MSI1: variants seen among roughly 807,000 people sequenced by gnomAD.
MSI1 encodes RNA-binding protein Musashi homolog 1.
In MSI1, 15 loss-of-function variants were observed where a neutral mutation model predicts 54.4. The ratio of observed to expected loss-of-function variants is 0.28; its 90% CI spans 0.18 to 0.42. The LOEUF is 0.42. Among genes scored for constraint, MSI1 ranks in the 20% least tolerant of loss-of-function variants. The pLI, the probability that MSI1 is intolerant of heterozygous loss-of-function variation, is 1.00. For missense variants in MSI1, 304 were observed against 506.0 expected, an observed-to-expected ratio of 0.60 and a Z score of 3.83; for synonymous variants, 200 against 196.5, an observed-to-expected ratio of 1.02 and a Z score of -0.15.
chr12:120,363,228 G>GGGGC (rs1875795245), intron 5 of MSI1, 93 bp from the exon 6 acceptor site: 3 of 1,055,936 alleles, frequency 2.8e-6, no homozygotes, highest in Admixed American at 3.6e-5. Context: ...GATGCCAGCT[G>GGGGC]ACAAGCTCTC....
In MSI1 at chr12:120,369,016, G is replaced by C. The variant is rs1366564246; in HGVS notation, c.59+17C>G. 8.5e-6 allele frequency: 9 copies of C among 1,054,622 alleles called. No individual in the cohort carries two copies. In the East Asian group the frequency reaches 6.4e-4, roughly 75 times the overall value. 65.3% of individuals were successfully genotyped at this position (1,054,622 alleles called of 1,614,324 possible). A position where few individuals can be genotyped will look rare whatever the true frequency, so the allele number is the denominator to read the frequency against. On this transcript the variant is annotated intron_variant, in intron 1 of 14. Transcript: ENST00000257552. The stretch of plus-strand genomic sequence containing the variant: ...GCCGGGGCGGGCGCGGGCCAAGCAG[G>C]CCGGGCCGGGCCGTACCAGGGGTCG...
intron 12 of MSI1, 57 bp from the exon 13 acceptor site, chr12:120,346,379 AC>A (rs1874125629): frequency 9.0e-6 from 13 of 1,437,662 alleles, no homozygotes; most frequent in Non-Finnish European, 1.1e-5. Context: ...ACCCCACGGC[AC>A]CCCCTCAAGC....
At chr12:120,343,731 C>T (rs996070144) in intron 14 of MSI1, among the ~76,000 whole-genome samples, 1 of 152,174 alleles carries the variant, frequency 6.6e-6, no homozygotes, top group African/African-American at 2.4e-5. Context: ...CTTGTTCATC[C>T]TCTTTCCTGG....
rs1367812729 is a variant in MSI1, at chr12:120,359,070, C to T, written c.403-17G>A. The T allele has an allele frequency of 6.4e-7, 1 of 1,553,512 alleles. No homozygotes were observed. The highest frequency in any genetic ancestry group is 1.2e-5 in the South Asian group (1 of 84,118). On this transcript the variant is annotated splice_polypyrimidine_tract_variant and intron_variant, in intron 6 of 14. Transcript: ENST00000257552. ...GTCGTCCACCTGAAACACAGCCCGC[C>T]ATGGAGGACCCAGCAGATACCAGCG... is the stretch of plus-strand genomic sequence containing the variant.
chr12:120,351,271 C>A, intron 11 of MSI1, 73 bp downstream of exon 11: 1 of 1,392,432 alleles, frequency 7.2e-7, no homozygotes, highest in South Asian at 1.2e-5. Flanking sequence ...CTAGCTTTCC[C>A]CAGGAAACTC....
Position 120,346,145 on chromosome 12 carries a change from T to C in MSI1, c.1037A>G (p.His346Arg). The C allele has an allele frequency of 6.3e-7, 1 of 1,578,586 alleles. No homozygotes were observed. The highest frequency in any genetic ancestry group is 8.6e-7 in the Non-Finnish European group (1 of 1,164,260). ...GGCCTGGCCACTCACCCCAAGACTGTGGCCGAAGCCGGTGCTGGGGGCAGG... is the reference window on the plus strand; with the variant it reads ...GGCCTGGCCACTCACCCCAAGACTGCGGCCGAAGCCGGTGCTGGGGGCAGG... ...ASPAPSTGFG[H>R]SLGGPLIATA... Residue 346 changes from histidine to arginine, a missense_variant, in exon 13 of 15, where the codon CAC becomes CGC. His to Arg is a conservative substitution (Grantham distance 29, BLOSUM62 0). Around this residue, in one of 4 missense-constraint regions of MSI1, gnomAD observed 147 missense variants for 231.5 expected, o/e 0.64. Coordinates refer to ENST00000257552, the MANE Select transcript of MSI1 (RefSeq NM_002442.4).
At chr12:120,355,619 T>TACACACAC (rs1775174360) in intron 9 of MSI1, among the ~76,000 whole-genome samples, 1 of 152,120 alleles carries the variant, frequency 6.6e-6, no homozygotes, top group African/African-American at 2.4e-5. Flanking sequence ...CAAACACACA[T>TACACACAC]ACACACACAT....
At chr12:120,361,966 A>AT (rs1412895557) in intron 6 of MSI1, among the ~76,000 whole-genome samples, 1 of 151,458 alleles carries the variant, frequency 6.6e-6, no homozygotes, top group East Asian at 2.0e-4. Flanking sequence ...GCGAGCTCTA[A>AT]TGCTCGGCGC....
chr12:120,340,346 A>G (rs1873625883), downstream of MSI1, among the ~76,000 whole-genome samples: 1 of 152,204 alleles, frequency 6.6e-6, no homozygotes, highest in Non-Finnish European at 1.5e-5. Context: ...GGCCTCCCAA[A>G]GTGCTGGGAG....
Position 120,368,786 on chromosome 12 carries a change from G to A in MSI1, c.100+47C>T, listed in dbSNP as rs767869490. On this transcript the variant is annotated intron_variant, in intron 2 of 14. Transcript: ENST00000257552. The surrounding 1 kb of genome is among the most constrained non-coding windows in gnomAD (Gnocchi z 6.6). Reference sequence around the variant, plus strand: ...GTGTCCGGGTCCGGGGCGCCGGGGGGTCCGGGGTGCCCTGCCGGACCGGCG... The same window carrying A: ...GTGTCCGGGTCCGGGGCGCCGGGGGATCCGGGGTGCCCTGCCGGACCGGCG... The A allele has an allele frequency of 7.2e-6, 10 of 1,387,654 alleles. No homozygotes were observed. Among genetic ancestry groups the A allele is most frequent in the Admixed American group, 2.5e-5 (1 of 39,994 alleles). The allele number at this position is 1,387,654 out of a possible 1,614,324, so 86.0% of individuals were successfully genotyped here.
rs1047504433 is a variant in MSI1 at position 120,368,444 on chromosome 12, C to T, written c.101-171G>A. Among the ~76,000 whole-genome samples, 14 of 151,834 alleles carry T rather than the reference C, an allele frequency of 9.2e-5. No homozygotes were observed. The highest frequency in any genetic ancestry group is 1.8e-4 in the Non-Finnish European group (12 of 67,910). The stretch of plus-strand genomic sequence containing the variant: ...CCCTCGCCCCGTTCCCGCTGAGCCT[C>T]CTGGCGCCCACCGGGGCCCCGGGAA... On this transcript the variant is annotated intron_variant, in intron 2 of 14. Coordinates refer to ENST00000257552, the MANE Select transcript of MSI1 (RefSeq NM_002442.4). The surrounding 1 kb of genome is among the most constrained non-coding windows in gnomAD (Gnocchi z 6.6).
rs376443529 is a variant in MSI1 at position 120,365,951 on chromosome 12, CACAA to C, written c.268-1200_268-1197del. 3.0e-4 allele frequency among the ~76,000 whole-genome samples: 45 copies of C among 152,290 alleles called. No homozygotes were observed. The South Asian group carries it at 9.3e-3, about 32-fold the overall frequency. On this transcript the variant is annotated intron_variant, in intron 4 of 14. Coordinates refer to ENST00000257552, the MANE Select transcript of MSI1 (RefSeq NM_002442.4). ...GCCCTTTGTGAACTGCCCTTCATTG[CACAA>C]ACAAAGGTGCTATTACCAGCAGGCC...
intron 14 of MSI1, among the ~76,000 whole-genome samples, chr12:120,344,239 C>A (rs752125518): frequency 4.9e-4 from 74 of 152,180 alleles, no homozygotes; most frequent in African/African-American, 1.7e-3. Context: ...ATGGATATTT[C>A]AGTTATTTGC....
intron 14 of MSI1, among the ~76,000 whole-genome samples, chr12:120,344,346 C>A (rs990259284): frequency 3.3e-5 from 5 of 152,224 alleles, no homozygotes; most frequent in Admixed American, 3.3e-4. Context: ...CCGGGAACCC[C>A]TGAGCCACTG....
intron 9 of MSI1, among the ~76,000 whole-genome samples, chr12:120,353,697 T>C (rs1874835466): frequency 6.6e-6 from 1 of 152,164 alleles, no homozygotes; most frequent in Admixed American, 6.5e-5. Context: ...CCTGTCCTCA[T>C]CTCCTGCACA....
chr12:120,348,640 T>C (rs1874344751), intron 11 of MSI1, among the ~76,000 whole-genome samples: 1 of 151,680 alleles, frequency 6.6e-6, no homozygotes, highest in Non-Finnish European at 1.5e-5. Flanking sequence ...TCCCAGCACT[T>C]TGGGAGGCCG....
In MSI1 at chr12:120,363,262, C is replaced by G. The variant is rs1488020091; in HGVS notation, c.310-127G>C. ...TCTGTGGCCCCAGCCTCTTTAAAGG[C>G]CCCCCCCCCGCAAGCTCCCTCTTGG... On this transcript the variant is annotated intron_variant, in intron 5 of 14. Transcript: ENST00000257552. The G allele has an allele frequency of 4.8e-5, 3 of 62,264 alleles. No homozygotes were observed. In the South Asian group the frequency reaches 1.1e-3, roughly 22 times the overall value. 3.9% of individuals were successfully genotyped at this position (62,264 alleles called of 1,614,324 possible).
intron 11 of MSI1, among the ~76,000 whole-genome samples, chr12:120,349,902 C>T (rs1874449113): frequency 6.6e-6 from 1 of 152,236 alleles, no homozygotes; most frequent in Non-Finnish European, 1.5e-5. Flanking sequence ...GCTTACCACA[C>T]TGTAAAGAAT....
At chr12:120,352,618 C>T (rs1396391225) in intron 10 of MSI1, among the ~76,000 whole-genome samples, 1 of 151,458 alleles carries the variant, frequency 6.6e-6, no homozygotes, top group Admixed American at 6.6e-5. Context: ...CCAAGCTGAA[C>T]AGCCCTGAGG....
Sources: gnomAD v4.1 joint callset for allele counts (sites outside exome capture counted in the v4.1 genomes callset) on GRCh38, gnomAD v4.1.1 for gene constraint, gnomAD v4.1.1 regional missense constraint, Gnocchi (gnomAD v3.1) non-coding constraint, MANE v1.5 for transcripts, NCBI Gene and HGNC (gene_info 2026-07-23, HGNC 2026-07-21) for gene names.